PDE11A: variants seen among roughly 807,000 people sequenced by gnomAD.
The protein encoded by PDE11A is phosphodiesterase 11A.
PDE11A carries 100 observed loss-of-function variants against 100.5 expected under a neutral mutation model. That is an observed-to-expected ratio of 1.00 (90% CI 0.85 to 1.18). PDE11A has a LOEUF of 1.18. Among genes scored for constraint, PDE11A ranks in the 50% most tolerant of loss-of-function variants. The pLI is 0.00. For synonymous variants in PDE11A, 381 were observed against 420.8 expected (o/e 0.91, Z 1.16); for missense variants, 1,141 against 1,152.6 (o/e 0.99, Z 0.15).
intron 8 of PDE11A, among the ~76,000 whole-genome samples, chr2:177,817,363 A>C (rs936860108): frequency 3.9e-5 from 6 of 152,218 alleles, no homozygotes; most frequent in African/African-American, 1.4e-4. Flanking sequence ...AGAACCATTA[A>C]TAAAGAAGCT....
intron 2 of PDE11A, chr2:177,998,132 C>T: frequency 8.6e-7 from 1 of 1,164,562 alleles, no homozygotes; most frequent in South Asian, 1.2e-5. Flanking sequence ...ACCAACTTTA[C>T]AAGTTGCTGT....
At chr2:177,747,449 A>G (rs543125254) in intron 10 of PDE11A, among the ~76,000 whole-genome samples, 3 of 152,130 alleles carry the variant, frequency 2.0e-5, no homozygotes, top group Admixed American at 6.5e-5. Flanking sequence ...CTTCACCTCT[A>G]CATAGAATGG....
At chr2:177,689,290 C>T (rs1269415239) in intron 15 of PDE11A, among the ~76,000 whole-genome samples, 3 of 152,160 alleles carry the variant, frequency 2.0e-5, no homozygotes, top group Admixed American at 6.5e-5. Flanking sequence ...CCATGTTGGT[C>T]AGGCTAGTCT....
chr2:177,957,770 CAA>C (rs1385225260), intron 2 of PDE11A, among the ~76,000 whole-genome samples: 3 of 152,012 alleles, frequency 2.0e-5, no homozygotes, highest in Non-Finnish European at 4.4e-5. Flanking sequence ...GAATAATAAA[CAA>C]GAGCAATACA....
chr2:177,853,721 T>C (rs2083770915), intron 5 of PDE11A, among the ~76,000 whole-genome samples: 1 of 104,674 alleles, frequency 9.6e-6, no homozygotes, highest in East Asian at 2.9e-4. Context: ...TGTTTGTGTG[T>C]GTGTGTGTGT....
chr2:177,926,195 A>G (rs1399771906), intron 2 of PDE11A, among the ~76,000 whole-genome samples: 1 of 152,224 alleles, frequency 6.6e-6, no homozygotes, highest in African/African-American at 2.4e-5. Flanking sequence ...TTCTCAATAT[A>G]TGCTTTAAGC....
intron 13 of PDE11A, among the ~76,000 whole-genome samples, chr2:177,708,441 A>C (rs1325991410): frequency 6.6e-6 from 1 of 152,218 alleles, no homozygotes; most frequent in East Asian, 1.9e-4. Flanking sequence ...ATGAGAACTT[A>C]TGAACACAAA....
chr2:177,922,631 T>C (rs963233895), intron 2 of PDE11A: 33 of 936,648 alleles, frequency 3.5e-5, no homozygotes, highest in Non-Finnish European at 4.2e-5. Context: ...ATTTTACCTG[T>C]TAGTTATGTC....
chr2:177,880,549 T>C (rs2084314206), intron 4 of PDE11A, among the ~76,000 whole-genome samples: 1 of 152,212 alleles, frequency 6.6e-6, no homozygotes, highest in African/African-American at 2.4e-5. Flanking sequence ...TTTCCTGTAG[T>C]AAACTGTAAC....
intron 13 of PDE11A, among the ~76,000 whole-genome samples, chr2:177,709,173 G>A (rs971322084): frequency 1.3e-5 from 2 of 152,172 alleles, no homozygotes; most frequent in Admixed American, 1.3e-4. Flanking sequence ...GGGCCCGAAG[G>A]GGCTAAGCTA....
rs116824084 is a variant in PDE11A, at chr2:177,749,497, G to C, written c.1788+19826C>G. ...TTCAGTCAGGTTAAGTATGTCCAAAGTTATTCTTTCCTTTCTGGGTAGTGA... is the reference window on the plus strand; with the variant it reads ...TTCAGTCAGGTTAAGTATGTCCAAACTTATTCTTTCCTTTCTGGGTAGTGA... On this transcript the variant is annotated intron_variant, in intron 10 of 19. Coordinates refer to ENST00000286063, the MANE Select transcript of PDE11A (RefSeq NM_016953.4). Among the ~76,000 whole-genome samples the C allele has an allele frequency of 1.8e-3, 278 of 152,088 alleles. 1 individual carries two copies. Among genetic ancestry groups the C allele is most frequent in the African/African-American group, 6.5e-3 (269 of 41,486 alleles).
At chr2:177,922,383 A>C (rs960105811) in intron 2 of PDE11A, among the ~76,000 whole-genome samples, 14 of 152,160 alleles carry the variant, frequency 9.2e-5, no homozygotes, top group African/African-American at 2.7e-4. Flanking sequence ...ACATGTATAC[A>C]TATGTAACAA....
chr2:177,783,038 C>T (rs1038761601), intron 9 of PDE11A, among the ~76,000 whole-genome samples: 16 of 152,222 alleles, frequency 1.1e-4, no homozygotes, highest in African/African-American at 3.9e-4. Flanking sequence ...GACCATTAAT[C>T]TCGTACAGTC....
intron 2 of PDE11A, among the ~76,000 whole-genome samples, chr2:178,001,955 GT>G (rs2105818364): frequency 6.6e-6 from 1 of 152,110 alleles, no homozygotes; most frequent in Non-Finnish European, 1.5e-5. Context: ...TATAGGTGAG[GT>G]TTGTTACATG....
At chr2:177,694,755 T>A (rs563495106) in intron 15 of PDE11A, among the ~76,000 whole-genome samples, 22 of 152,244 alleles carry the variant, frequency 1.4e-4, no homozygotes, top group African/African-American at 5.3e-4. Flanking sequence ...AATATAGCAG[T>A]GTTTTCTATT....
chr2:178,061,291 T>C lies in PDE11A; in HGVS notation c.912+10235A>G, dbSNP rs191626485. Among the ~76,000 whole-genome samples, 108 of 152,130 alleles carry C rather than the reference T, an allele frequency of 7.1e-4. 2 individuals are homozygous for C. The highest frequency in any genetic ancestry group is 2.4e-3 in the African/African-American group (98 of 41,486). On this transcript the variant is annotated intron_variant, in intron 1 of 19. Transcript: ENST00000286063. Reference sequence around the variant, plus strand: ...GGATATTTGACAATGTCTGGAGACTTTTTAAATTGTCCAGACTAGGCAAGT... The same window carrying C: ...GGATATTTGACAATGTCTGGAGACTCTTTAAATTGTCCAGACTAGGCAAGT...
chr2:177,838,180 C>T (rs949160858), intron 6 of PDE11A, among the ~76,000 whole-genome samples: 19 of 152,156 alleles, frequency 1.2e-4, no homozygotes, highest in Non-Finnish European at 2.2e-4. Context: ...GTAGATCCCT[C>T]TCAAAATCTG....
At chr2:177,841,864 G>A (rs896065507) in intron 5 of PDE11A, among the ~76,000 whole-genome samples, 12 of 151,796 alleles carry the variant, frequency 7.9e-5, no homozygotes, top group Admixed American at 4.6e-4. Context: ...AAGAGAAGAA[G>A]AAGCTTTATT....
chr2:177,665,299 CCT>C (rs2080553280), intron 18 of PDE11A, among the ~76,000 whole-genome samples: 1 of 114,622 alleles, frequency 8.7e-6, no homozygotes, highest in South Asian at 3.5e-4. Flanking sequence ...GAGTGAAGCC[CCT>C]GTCCCTACAA....
Sources: allele counts gnomAD v4.1 joint callset (sites outside exome capture counted in the v4.1 genomes callset), GRCh38; gene constraint gnomAD v4.1.1; transcripts MANE v1.5; gene names NCBI Gene and HGNC (gene_info 2026-07-23, HGNC 2026-07-21).